Variants in AP1G1 observed in about 807,000 individuals in gnomAD.
The protein encoded by AP1G1 is adaptor related protein complex 1 subunit gamma 1.
AP1G1 carries 7 observed loss-of-function variants against 108.3 expected under a neutral mutation model. The ratio of observed to expected loss-of-function variants is 0.06; its 90% CI spans 0.04 to 0.12. The LOEUF (loss-of-function observed/expected upper bound fraction) is 0.12. AP1G1 is among the 10% of genes least tolerant of loss of function. AP1G1 has a pLI of 1.00. For missense variants in AP1G1, 756 were observed against 1,010.7 expected (o/e 0.75, Z 3.42); for synonymous variants, 379 against 353.5 (o/e 1.07, Z -0.81).
At chr16:71,749,810 C>G (rs2030390908) in intron 15 of AP1G1, 84 bp downstream of exon 15, 12 of 1,193,272 alleles carry the variant, frequency 1.0e-5, no homozygotes, top group Non-Finnish European at 1.5e-5. Context: ...TTCAAGGAAT[C>G]AACCTCAACT....
chr16:71,784,055 G>C (rs919439745), intron 2 of AP1G1, among the ~76,000 whole-genome samples: 1 of 152,094 alleles, frequency 6.6e-6, no homozygotes, highest in African/African-American at 2.4e-5. Flanking sequence ...TGAGGATACT[G>C]TCTCTTACAT....
chr16:71,761,927 G>C (rs958007643), intron 9 of AP1G1, among the ~76,000 whole-genome samples: 1 of 151,772 alleles, frequency 6.6e-6, no homozygotes, highest in Non-Finnish European at 1.5e-5. Flanking sequence ...TGTTTTGTCA[G>C]TGGAAGAATA....
intron 1 of AP1G1, among the ~76,000 whole-genome samples, chr16:71,800,242 G>A (rs1312011441): frequency 6.7e-6 from 1 of 149,870 alleles, no homozygotes; most frequent in Non-Finnish European, 1.5e-5. Context: ...GTGGTGGTGG[G>A]CGCCTGTAGT....
At position 71,729,957 on chromosome 16, in the gene AP1G1, G is replaced by A. The variant is rs756078913; in HGVS notation, c.*3101C>T. On this transcript the variant is annotated 3_prime_UTR_variant, in exon 23 of 23. Coordinates refer to ENST00000299980, the MANE Select transcript of AP1G1 (RefSeq NM_001128.6). ...GTACTCCCTAACTTCCAATTTCTACGACATAAAAAAAATGGGAAGCATGTT... is the reference window on the plus strand; with the variant it reads ...GTACTCCCTAACTTCCAATTTCTACAACATAAAAAAAATGGGAAGCATGTT... The A allele has an allele frequency of 1.2e-4, 19 of 152,212 alleles. No individual in the cohort carries two copies. The highest frequency in any genetic ancestry group is 5.8e-4 in the East Asian group (3 of 5,188). 9.4% of individuals were successfully genotyped at this position (152,212 alleles called of 1,614,324 possible). A position where few individuals can be genotyped will look rare whatever the true frequency, so the allele number is the denominator to read the frequency against.
chr16:71,804,405 T>C lies in AP1G1; in HGVS notation c.-4+4358A>G, dbSNP rs905506122. ...ATACAAAAGATTTCTATATGCTCTC[T>C]TAATTTTTTTTTTTTTTTTTTGAGA... is the stretch of plus-strand genomic sequence containing the variant. On this transcript the variant is annotated intron_variant, in intron 1 of 22. Transcript: ENST00000299980. 3.7e-4 allele frequency among the ~76,000 whole-genome samples: 45 copies of C among 121,860 alleles called. 1 individual carries two copies. Among genetic ancestry groups the C allele is most frequent in the African/African-American group, 1.2e-3 (42 of 36,098 alleles). 79.9% of individuals were successfully genotyped at this position (121,860 alleles called of 152,430 possible).
chr16:71,769,402 G>A, intron 6 of AP1G1: 1 of 499,010 alleles, frequency 2.0e-6, no homozygotes. Context: ...TGCCAACAAT[G>A]AGAGAAGACT....
intron 11 of AP1G1, among the ~76,000 whole-genome samples, chr16:71,757,190 C>T (rs1262956739): frequency 6.6e-6 from 1 of 152,150 alleles, no homozygotes; most frequent in Admixed American, 6.5e-5. Context: ...GTGGCTCACG[C>T]CTGTAATCCC....
chr16:71,792,122 T>C (rs76095103), intron 1 of AP1G1, among the ~76,000 whole-genome samples: 4,589 of 152,118 alleles, frequency 0.03, 107 homozygotes, highest in Non-Finnish European at 0.05. Context: ...ATGAAGTCAT[T>C]TTCGGAGTCA....
In AP1G1 at chr16:71,774,457, G is replaced by A. The variant is rs753577597; in HGVS notation, c.326+11C>T. 8 of 1,588,832 alleles carry A rather than the reference G, an allele frequency of 5.0e-6. No individual in the cohort carries two copies. Among genetic ancestry groups the A allele is most frequent in the South Asian group, 1.2e-5 (1 of 85,922 alleles). ...TTAACAGTTGTTAGAAGAAAGAAAA[G>A]TAAGACTTACTTCTTGATACAGTTG... On this transcript the variant is annotated intron_variant, in intron 3 of 22. Transcript: ENST00000299980.
chr16:71,754,712 G>A (rs1472572915), intron 12 of AP1G1, among the ~76,000 whole-genome samples: 1 of 152,082 alleles, frequency 6.6e-6, no homozygotes, highest in Middle Eastern at 3.4e-3. Context: ...GAGGCAGAAG[G>A]ATGGCTTAAG....
intron 1 of AP1G1, chr16:71,807,803 C>G: frequency 7.8e-7 from 1 of 1,289,088 alleles, no homozygotes; most frequent in South Asian, 1.2e-5. Flanking sequence ...CTACCTACCT[C>G]AGATTAATAT....
At chr16:71,763,737 C>A (rs1441691073) in intron 9 of AP1G1, among the ~76,000 whole-genome samples, 1 of 152,106 alleles carries the variant, frequency 6.6e-6, no homozygotes, top group Non-Finnish European at 1.5e-5. Context: ...GAACTGTACA[C>A]AAATATTATA....
intron 12 of AP1G1, among the ~76,000 whole-genome samples, chr16:71,754,361 G>A (rs373325736): frequency 4.1e-4 from 62 of 151,796 alleles, no homozygotes; most frequent in South Asian, 6.3e-4. Flanking sequence ...AGAAAGAAAG[G>A]AAGGAAAGGA....
intron 8 of AP1G1, 44 bp downstream of exon 8, chr16:71,764,602 C>A (rs1309765373): frequency 2.1e-5 from 31 of 1,446,678 alleles, no homozygotes; most frequent in Admixed American, 2.3e-5. Flanking sequence ...CTACTCCCAG[C>A]GAAACTAAAA....
intron 2 of AP1G1, among the ~76,000 whole-genome samples, chr16:71,787,671 A>T (rs1189498139): frequency 3.9e-5 from 6 of 152,150 alleles, no homozygotes; most frequent in Non-Finnish European, 8.8e-5. Flanking sequence ...AAAATCAATC[A>T]ACCGATCAAC....
chr16:71,798,575 C>T (rs1422537393), intron 1 of AP1G1, among the ~76,000 whole-genome samples: 3 of 151,016 alleles, frequency 2.0e-5, no homozygotes, highest in South Asian at 2.1e-4. Flanking sequence ...ATGTCTGTGA[C>T]ATAAATAAGA....
At chr16:71,761,588 T>G (rs760374798) in intron 9 of AP1G1, 21 bp from the exon 10 acceptor site, 3 of 1,585,652 alleles carry the variant, frequency 1.9e-6, no homozygotes, top group Non-Finnish European at 2.6e-6. Context: ...ACAGCATAGG[T>G]CGAAATTTAG....
In AP1G1 at chr16:71,777,323, G is replaced by A. The variant is rs557452824; in HGVS notation, c.202-2731C>T. On this transcript the variant is annotated intron_variant, in intron 2 of 22. Transcript: ENST00000299980. ...GAGGCTACCAGAGGGTGGGGGGAGC[G>A]GGAGGGAGGCAAGAAGAAAACAAAG... Among the ~76,000 whole-genome samples, 8 of 151,436 alleles carry A rather than the reference G, an allele frequency of 5.3e-5. No homozygotes were observed. In the South Asian group the frequency reaches 1.3e-3, roughly 24 times the overall value.
chr16:71,767,728 T>G, intron 6 of AP1G1: 4 of 748,064 alleles, frequency 5.3e-6, no homozygotes, highest in Non-Finnish European at 6.3e-6. Context: ...GACTAGGAAG[T>G]TAGCCAAAGA....
Sources: gnomAD v4.1 joint callset for allele counts (sites outside exome capture counted in the v4.1 genomes callset) on GRCh38, gnomAD v4.1.1 for gene constraint, MANE v1.5 for transcripts, NCBI Gene and HGNC (gene_info 2026-07-23, HGNC 2026-07-21) for gene names.